TNNT3: variants seen among roughly 807,000 people sequenced by gnomAD.
The protein encoded by TNNT3 is troponin T3, fast skeletal type.
A neutral mutation model predicts 54.2 loss-of-function variants in TNNT3; 36 were observed. The observed-to-expected ratio is 0.66, with a 90% CI of 0.51 to 0.88. The LOEUF is 0.88. Among genes scored for constraint, TNNT3 ranks in the 40% least tolerant of loss-of-function variants. The pLI is 0.00. For missense variants in TNNT3, 291 were observed against 331.6 expected, an observed-to-expected ratio of 0.88 and a Z score of 0.95; for synonymous variants, 120 against 109.7, an observed-to-expected ratio of 1.09 and a Z score of -0.59.
intron 4 of TNNT3, among the ~76,000 whole-genome samples, chr11:1,924,707 G>A (rs2133273433): frequency 6.6e-6 from 1 of 152,302 alleles, no homozygotes; most frequent in East Asian, 1.9e-4. Flanking sequence ...TCAGAGCCGG[G>A]GCTTCCCGCA....
In TNNT3 at chr11:1,934,014, G is replaced by A. The variant is rs750646539; in HGVS notation, c.366+6G>A. 6.2e-7 allele frequency: 1 copy of A among 1,611,102 alleles called. No homozygotes were observed. The highest frequency in any genetic ancestry group is 2.2e-5 in the East Asian group (1 of 44,864). On this transcript the variant is annotated splice_donor_region_variant and intron_variant, in intron 11 of 15. Transcript: ENST00000278317. Reference sequence around the variant, plus strand: ...AGCGCCAGAACAGACTGGCGGTGAGGGCACCATCCGCACTGCTGCCTCATC... The same window carrying A: ...AGCGCCAGAACAGACTGGCGGTGAGAGCACCATCCGCACTGCTGCCTCATC...
At chr11:1,926,369 C>T in intron 5 of TNNT3, 5 of 1,487,182 alleles carry the variant, frequency 3.4e-6, no homozygotes, top group African/African-American at 1.4e-5. Flanking sequence ...CACCCTCGGC[C>T]TCGAGTGGCG....
intron 14 of TNNT3, 134 bp downstream of exon 14, chr11:1,935,053 C>A: frequency 1.2e-6 from 1 of 844,710 alleles, no homozygotes; most frequent in Non-Finnish European, 2.0e-6. Flanking sequence ...CCCAAACAGG[C>A]TGTTGCCACG....
chr11:1,930,257 G>A (rs1298895954), intron 8 of TNNT3, among the ~76,000 whole-genome samples: 2 of 152,082 alleles, frequency 1.3e-5, no homozygotes, highest in Admixed American at 6.5e-5. Flanking sequence ...TCTGGCCACC[G>A]CAACACCCCA....
rs1851052541 is a variant in TNNT3, at chr11:1,924,802, G to A, written c.50-297G>A. On this transcript the variant is annotated intron_variant, in intron 4 of 15. Transcript: ENST00000278317. ...GGGCCCCCGTGCACAGGCGCCTCCA[G>A]GCATGGGAATACCAGGCCCCCAGGA... 8.5e-6 allele frequency: 5 copies of A among 586,072 alleles called. No individual in the cohort carries two copies. The South Asian group carries it at 1.0e-4, about 12-fold the overall frequency. The allele number at this position is 586,072 out of a possible 1,614,324, so 36.3% of individuals were successfully genotyped here.
chr11:1,933,214 C>A (rs913637528), intron 9 of TNNT3, among the ~76,000 whole-genome samples: 3 of 144,078 alleles, frequency 2.1e-5, no homozygotes, highest in Non-Finnish European at 4.6e-5. Context: ...TCCACATAAT[C>A]ATTCCTCCAC....
intron 14 of TNNT3, chr11:1,935,219 G>A (rs1203275114): frequency 4.0e-6 from 2 of 499,060 alleles, no homozygotes; most frequent in Admixed American, 3.3e-5. Context: ...CCATGGCCAA[G>A]TGGACTCAGG....
At chr11:1,920,376 G>A (rs1849819460) in intron 1 of TNNT3, among the ~76,000 whole-genome samples, 1 of 152,128 alleles carries the variant, frequency 6.6e-6, no homozygotes, top group African/African-American at 2.4e-5. Context: ...AGTGGACAGG[G>A]GCTGGACTGG....
Position 1,934,353 on chromosome 11 carries a change from G to A in TNNT3, c.388G>A (p.Glu130Lys). 4.3e-6 allele frequency: 7 copies of A among 1,613,934 alleles called. No individual in the cohort carries two copies. Among genetic ancestry groups the A allele is most frequent in the Non-Finnish European group, 5.9e-6 (7 of 1,180,018 alleles). ...ACAGGAGGAAAAGGCCAGAAGGGAG[G>A]AGGAGGATGCCAAGAGGAGGGCAGA... ...RLAEEKARRE[E>K]EDAKRRAEDD... The change falls in exon 12 of 16, where the codon GAG becomes AAG. Residue 130 changes from glutamate to lysine, a missense_variant. Glu to Lys is a moderately conservative substitution (Grantham distance 56). Coordinates refer to ENST00000278317, the MANE Select transcript of TNNT3 (RefSeq NM_006757.4).
At chr11:1,924,265 TC>T (rs1179049727) in intron 4 of TNNT3, among the ~76,000 whole-genome samples, 3 of 152,122 alleles carry the variant, frequency 2.0e-5, no homozygotes. Flanking sequence ...TGGAGCCCCC[TC>T]CCTGTGCTGG....
chr11:1,929,253 C>A, intron 7 of TNNT3, 110 bp downstream of exon 7: 2 of 1,346,142 alleles, frequency 1.5e-6, no homozygotes, highest in South Asian at 1.2e-5. Context: ...TCCCTCTGTC[C>A]TCTTTCTCTT....
chr11:1,922,012 C>T (rs1250148449), intron 1 of TNNT3, among the ~76,000 whole-genome samples: 1 of 152,174 alleles, frequency 6.6e-6, no homozygotes, highest in Non-Finnish European at 1.5e-5. Context: ...CAGAGCATCC[C>T]CGGGACCAGG....
intron 8 of TNNT3, among the ~76,000 whole-genome samples, chr11:1,931,694 C>CTT (rs370398561): frequency 4.5e-5 from 5 of 112,312 alleles, no homozygotes; most frequent in African/African-American, 1.6e-4. Context: ...TTTTTTTAGT[C>CTT]TTTTTTTTTT....
chr11:1,929,345 G>A (rs1852615204), intron 7 of TNNT3, among the ~76,000 whole-genome samples: 1 of 152,204 alleles, frequency 6.6e-6, no homozygotes, highest in African/African-American at 2.4e-5. Context: ...GGCCTCGCGG[G>A]TGCCACCGCT....
At position 1,934,855 on chromosome 11, in the gene TNNT3, C is replaced by G; in HGVS notation, c.617C>G (p.Thr206Ser). 6.2e-7 allele frequency: 1 copy of G among 1,613,620 alleles called. No homozygotes were observed. Among genetic ancestry groups the G allele is most frequent in the Non-Finnish European group, 8.5e-7 (1 of 1,180,030 alleles). Residue 206 changes from threonine to serine, a missense_variant, in exon 14 of 16, where the codon ACC (threonine) becomes AGC (serine). Thr to Ser is a moderately conservative substitution (Grantham distance 58). Transcript: ENST00000278317. ...LRDKAKELWE[T>S]LHQLEIDKFE... ...GACAAGGCCAAGGAGCTCTGGGAGA[C>G]CCTGCACCAGCTGGAGATTGACAAG...
rs751384508 is a variant in TNNT3, at chr11:1,923,622, AC to A, written c.49+56del. ...CCCCCCAGCCCCTCCTTGGAACTTA[AC>A]CCCCCTCTCCCGTGTGGCGCTCACA... is the stretch of plus-strand genomic sequence containing the variant. On this transcript the variant is annotated intron_variant, in intron 4 of 15. Coordinates refer to ENST00000278317, the MANE Select transcript of TNNT3 (RefSeq NM_006757.4). The A allele has an allele frequency of 1.4e-4, 170 of 1,213,434 alleles. 1 individual carries two copies. The highest frequency in any genetic ancestry group is 1.8e-4 in the Non-Finnish European group (164 of 890,370). The allele number at this position is 1,213,434 out of a possible 1,614,324, so 75.2% of individuals were successfully genotyped here.
In TNNT3 at chr11:1,928,990, C is replaced by T. The variant is rs538187765; in HGVS notation, c.83-130C>T. The T allele has an allele frequency of 8.2e-6, 9 of 1,094,962 alleles. No homozygotes were observed. The East Asian group carries it at 1.6e-4, about 20-fold the overall frequency. 67.8% of individuals were successfully genotyped at this position (1,094,962 alleles called of 1,614,324 possible). A position where few individuals can be genotyped will look rare whatever the true frequency, so the allele number is the denominator to read the frequency against. ...CACTTGTAGGGCCCCGCAGGCACAC[C>T]CTGGAGAAGAGAGTGTCCGAGTGAG... On this transcript the variant is annotated intron_variant, in intron 6 of 15. Transcript: ENST00000278317.
At chr11:1,937,080 A>C in intron 15 of TNNT3, 77 bp downstream of exon 15, 2 of 1,467,994 alleles carry the variant, frequency 1.4e-6, no homozygotes, top group Non-Finnish European at 1.9e-6. Flanking sequence ...AGTCCCTAAC[A>C]AGGGCCGGTG....
chr11:1,938,075 CGT>C (rs1340388521), intron 15 of TNNT3: 1 of 339,364 alleles, frequency 2.9e-6, no homozygotes, highest in Non-Finnish European at 5.8e-6. Flanking sequence ...CAGAGGCCAC[CGT>C]CTGGAGGGGC....
Sources: allele counts gnomAD v4.1 joint callset (sites outside exome capture counted in the v4.1 genomes callset), GRCh38; gene constraint gnomAD v4.1.1; transcripts MANE v1.5; gene names NCBI Gene and HGNC (gene_info 2026-07-23, HGNC 2026-07-21).